Variants in GUCY1A2 observed in about 807,000 individuals in gnomAD.
GUCY1A2 encodes guanylate cyclase soluble subunit alpha-2.
Under a neutral mutation model 63.5 loss-of-function variants are expected in GUCY1A2, and 27 were observed. The observed-to-expected ratio is 0.43, with a 90% CI of 0.31 to 0.59. The LOEUF is 0.59. Among genes scored for constraint, GUCY1A2 ranks in the 20% least tolerant of loss-of-function variants. The pLI is 0.11. For missense variants in GUCY1A2, 768 were observed against 913.3 expected, an observed-to-expected ratio of 0.84 and a Z score of 2.05; for synonymous variants, 364 against 343.5, an observed-to-expected ratio of 1.06 and a Z score of -0.66.
intron 5 of GUCY1A2, among the ~76,000 whole-genome samples, chr11:106,790,220 T>C (rs753611616): frequency 1.3e-5 from 2 of 152,130 alleles, no homozygotes; most frequent in Non-Finnish European, 2.9e-5. Context: ...TACACCTTCC[T>C]ACTCTTCCCT....
At chr11:106,770,844 C>T (rs557286032) in intron 6 of GUCY1A2, among the ~76,000 whole-genome samples, 16 of 292 alleles carry the variant, frequency 0.055, no homozygotes, top group Admixed American at 0.23. Context: ...AATTGCAAAT[C>T]AGGGAATGCT....
chr11:106,708,467 A>C (rs1225171523), intron 7 of GUCY1A2, 45 bp downstream of exon 7: 6 of 1,550,616 alleles, frequency 3.9e-6, no homozygotes, highest in Non-Finnish European at 5.3e-6. Context: ...ATAGCAGCCC[A>C]AAACAAAGGC....
At chr11:106,779,566 G>A (rs1350313425) in intron 5 of GUCY1A2, among the ~76,000 whole-genome samples, 1 of 152,064 alleles carries the variant, frequency 6.6e-6, no homozygotes, top group Admixed American at 6.5e-5. Flanking sequence ...CTTTGCAGTA[G>A]CTCTGAACAT....
chr11:106,927,714 AC>A (rs1292670756), intron 4 of GUCY1A2, among the ~76,000 whole-genome samples: 1 of 151,162 alleles, frequency 6.6e-6, no homozygotes, highest in Non-Finnish European at 1.5e-5. Flanking sequence ...ACAGGCGCCC[AC>A]CACCACGCCC....
chr11:106,835,892 A>C (rs374296374), intron 4 of GUCY1A2, among the ~76,000 whole-genome samples: 2 of 151,968 alleles, frequency 1.3e-5, no homozygotes, highest in South Asian at 2.1e-4. Context: ...AAATGAACCC[A>C]GAATAACCTA....
intron 6 of GUCY1A2, among the ~76,000 whole-genome samples, chr11:106,745,989 A>G (rs1863780288): frequency 1.3e-5 from 2 of 152,204 alleles, no homozygotes; most frequent in South Asian, 4.1e-4. Flanking sequence ...TTATAGAAAC[A>G]AATGGCGAAT....
At position 106,677,123 on chromosome 11, in the gene GUCY1A2, G is replaced by A. The variant is rs1201503201; in HGVS notation, c.*10426C>T. On this transcript the variant is annotated 3_prime_UTR_variant, in exon 8 of 8. Transcript: ENST00000526355. ...GGGAGGCTCCAGCCCAAATAGTAAA[G>A]TACTATTGTCATTTATCTTATAAGA... 1 of 215,538 alleles carries A rather than the reference G, an allele frequency of 4.6e-6. No homozygotes were observed. Among genetic ancestry groups the A allele is most frequent in the Non-Finnish European group, 9.4e-6 (1 of 106,858 alleles). 13.4% of individuals were successfully genotyped at this position (215,538 alleles called of 1,614,324 possible).
chr11:106,713,255 G>GC (rs1863152716), intron 6 of GUCY1A2, among the ~76,000 whole-genome samples: 1 of 151,948 alleles, frequency 6.6e-6, no homozygotes, highest in African/African-American at 2.4e-5. Context: ...ATTTTAAAAA[G>GC]TTTTTTTAAA....
intron 5 of GUCY1A2, among the ~76,000 whole-genome samples, chr11:106,786,594 T>C (rs1202149894): frequency 6.6e-6 from 1 of 152,238 alleles, no homozygotes; most frequent in East Asian, 1.9e-4. Context: ...ATAAAGGATA[T>C]TGAATACTGA....
At position 106,925,864 on chromosome 11, in the gene GUCY1A2, T is replaced by C. The variant is rs566083707; in HGVS notation, c.1206+13596A>G. Among the ~76,000 whole-genome samples the C allele has an allele frequency of 2.6e-5, 4 of 152,224 alleles. No individual in the cohort carries two copies. In the South Asian group the frequency reaches 6.2e-4, roughly 24 times the overall value. ...ACAATGACAAAGGAGATAGACAAAA[T>C]TGGGGAATGAAATGTCTTAAATAAA... On this transcript the variant is annotated intron_variant, in intron 4 of 7. Transcript: ENST00000526355.
chr11:107,010,799 C>T (rs1371849329), intron 1 of GUCY1A2, among the ~76,000 whole-genome samples: 3 of 152,048 alleles, frequency 2.0e-5, no homozygotes, highest in Admixed American at 2.0e-4. Context: ...GGCATGATCT[C>T]GGCTCACTGC....
At chr11:106,693,968 A>G (rs1326082716) in intron 7 of GUCY1A2, among the ~76,000 whole-genome samples, 1 of 152,164 alleles carries the variant, frequency 6.6e-6, no homozygotes, top group Non-Finnish European at 1.5e-5. Context: ...TCAACAAATT[A>G]CTAATGTCTG....
chr11:106,781,300 A>G (rs371439403), intron 5 of GUCY1A2, among the ~76,000 whole-genome samples: 9 of 152,300 alleles, frequency 5.9e-5, no homozygotes, highest in African/African-American at 2.2e-4. Flanking sequence ...AGATGGCTAA[A>G]CTAAGCATGG....
At position 106,674,692 on chromosome 11, in the gene GUCY1A2, ATAT is replaced by A. The variant is rs1376613637; in HGVS notation, c.*12854_*12856del. 2.6e-5 allele frequency: 5 copies of A among 194,144 alleles called. No individual in the cohort carries two copies. Among genetic ancestry groups the A allele is most frequent in the Non-Finnish European group, 2.1e-5 (2 of 93,216 alleles). 12.0% of individuals were successfully genotyped at this position (194,144 alleles called of 1,614,324 possible). A position where few individuals can be genotyped will look rare whatever the true frequency, so the allele number is the denominator to read the frequency against. ...TTTTTGATAACTCAATTTTTAAAAG[ATAT>A]TATTCACAAAGTAAATCTAATAACA... On this transcript the variant is annotated 3_prime_UTR_variant, in exon 8 of 8. Transcript: ENST00000526355.
chr11:106,907,966 T>C (rs1423414242), intron 4 of GUCY1A2, among the ~76,000 whole-genome samples: 3 of 152,126 alleles, frequency 2.0e-5, no homozygotes, highest in Non-Finnish European at 4.4e-5. Flanking sequence ...TTCTGGCAGA[T>C]TTCTGCAAAT....
intron 1 of GUCY1A2, among the ~76,000 whole-genome samples, chr11:107,006,939 T>C (rs1008767765): frequency 2.6e-4 from 39 of 152,202 alleles, no homozygotes; most frequent in African/African-American, 8.0e-4. Flanking sequence ...GAATGTTTGA[T>C]TCACCAGAAC....
intron 7 of GUCY1A2, among the ~76,000 whole-genome samples, chr11:106,702,703 T>G (rs962317207): frequency 1.2e-5 from 1 of 82,220 alleles, no homozygotes; most frequent in Non-Finnish European, 2.8e-5. Context: ...ATTTATATGG[T>G]TTTTTTTTTT....
intron 4 of GUCY1A2, among the ~76,000 whole-genome samples, chr11:106,830,362 G>A (rs1859033697): frequency 6.6e-6 from 1 of 152,090 alleles, no homozygotes; most frequent in African/African-American, 2.4e-5. Context: ...GACTTGTGAT[G>A]GTTATTACTG....
At chr11:106,786,484 T>C (rs1379338014) in intron 5 of GUCY1A2, among the ~76,000 whole-genome samples, 1 of 152,204 alleles carries the variant, frequency 6.6e-6, no homozygotes, top group African/African-American at 2.4e-5. Flanking sequence ...GCTCTCCTCC[T>C]GATAAAACTC....
Sources: gnomAD v4.1 joint callset for allele counts (sites outside exome capture counted in the v4.1 genomes callset) on GRCh38, gnomAD v4.1.1 for gene constraint, MANE v1.5 for transcripts, NCBI Gene and HGNC (gene_info 2026-07-23, HGNC 2026-07-21) for gene names.